The following DNAJB6 variants were observed in gnomAD, a reference collection of about 807,000 sequenced individuals.
DNAJB6 encodes DnaJ heat shock protein family (Hsp40) member B6.
A neutral mutation model predicts 42.7 loss-of-function variants in DNAJB6; 16 were observed. The observed-to-expected ratio is 0.37, with a 90% confidence interval of 0.25 to 0.57. The LOEUF (loss-of-function observed/expected upper bound fraction) is 0.57, where lower values mean the gene tolerates loss of function less well. Ranked by LOEUF, DNAJB6 falls within the 20% of genes least tolerant of loss-of-function variation. DNAJB6 has a pLI of 0.74. For synonymous variants in DNAJB6, 170 were observed against 163.5 expected (o/e 1.04, Z -0.30); for missense variants, 347 against 416.8 (o/e 0.83, Z 1.46).
rs573170428 is a variant in DNAJB6 at position 157,391,271 on chromosome 7, A to G, written c.691+5660A>G. Reference sequence around the variant, plus strand: ...ACGTTTCGTACACACATTTCTGCCAAATTGAGAACTTTGCTGCTCGTCAGC... The same window carrying G: ...ACGTTTCGTACACACATTTCTGCCAGATTGAGAACTTTGCTGCTCGTCAGC... On this transcript the variant is annotated intron_variant, in intron 8 of 9. Coordinates refer to ENST00000262177, the MANE Select transcript of DNAJB6 (RefSeq NM_058246.4). 2.6e-5 allele frequency among the ~76,000 whole-genome samples: 4 copies of G among 152,212 alleles called. No homozygotes were observed. In the South Asian group the frequency reaches 6.2e-4, roughly 24 times the overall value.
At chr7:157,383,932 A>G (rs1220717800) in intron 6 of DNAJB6, among the ~76,000 whole-genome samples, 1 of 152,252 alleles carries the variant, frequency 6.6e-6, no homozygotes, top group Admixed American at 6.5e-5. Context: ...ACTAAAATTA[A>G]TGTCACTAGT....
At chr7:157,401,846 C>T (rs1795531920) in intron 8 of DNAJB6, among the ~76,000 whole-genome samples, 1 of 152,226 alleles carries the variant, frequency 6.6e-6, no homozygotes, top group African/African-American at 2.4e-5. Flanking sequence ...TCCACGCGCC[C>T]TTCCCAGACC....
At chr7:157,366,479 C>T in intron 3 of DNAJB6, 23 bp from the exon 4 acceptor site, 1 of 1,612,582 alleles carries the variant, frequency 6.2e-7, no homozygotes, top group Non-Finnish European at 8.5e-7. Context: ...CTTGGCCTTA[C>T]CGACTTTTCT....
At chr7:157,340,881 G>A (rs902135180) in intron 1 of DNAJB6, among the ~76,000 whole-genome samples, 19 of 152,100 alleles carry the variant, frequency 1.2e-4, no homozygotes, top group African/African-American at 4.3e-4. Flanking sequence ...TGGTCAGGCT[G>A]GTCTCGAACA....
At chr7:157,402,476 G>A (rs574508789) in intron 8 of DNAJB6, among the ~76,000 whole-genome samples, 13 of 152,214 alleles carry the variant, frequency 8.5e-5, no homozygotes, top group Non-Finnish European at 1.6e-4. Context: ...GTTGCCTGTG[G>A]TGGCCACAGG....
At chr7:157,381,200 T>C (rs1800746868) in intron 5 of DNAJB6, 1 of 152,120 alleles carries the variant, frequency 6.6e-6, no homozygotes, top group Admixed American at 6.5e-5. Context: ...GCAGTATTTA[T>C]TGTTAACATT....
intron 1 of DNAJB6, among the ~76,000 whole-genome samples, chr7:157,355,790 A>G (rs542874438): frequency 4.6e-5 from 7 of 152,324 alleles, no homozygotes; most frequent in Non-Finnish European, 8.8e-5. Context: ...GAAACTAGCC[A>G]TTTGATGGAG....
intron 1 of DNAJB6, among the ~76,000 whole-genome samples, chr7:157,347,458 C>T (rs1468136368): frequency 6.6e-6 from 1 of 152,232 alleles, no homozygotes; most frequent in Admixed American, 6.5e-5. Flanking sequence ...CCTCCTGCCT[C>T]AGCCTTCTGA....
intron 8 of DNAJB6, among the ~76,000 whole-genome samples, chr7:157,401,982 A>G (rs1476288171): frequency 6.6e-6 from 1 of 152,136 alleles, no homozygotes; most frequent in African/African-American, 2.4e-5. Context: ...ATCTTAGCAG[A>G]AGGCCTTGAG....
chr7:157,390,804 A>AGCAT (rs1004975644), intron 8 of DNAJB6, among the ~76,000 whole-genome samples: 1 of 152,066 alleles, frequency 6.6e-6, no homozygotes, highest in Non-Finnish European at 1.5e-5. Context: ...TGAGGCCTGG[A>AGCAT]GCATGCATTC....
intron 8 of DNAJB6, among the ~76,000 whole-genome samples, chr7:157,398,342 T>C (rs1801694219): frequency 6.6e-6 from 1 of 152,158 alleles, no homozygotes; most frequent in Admixed American, 6.5e-5. Flanking sequence ...TATTCCTAAT[T>C]TGTGTAAGTA....
intron 5 of DNAJB6, chr7:157,378,802 G>A (rs1366730153): frequency 6.6e-6 from 1 of 152,138 alleles, no homozygotes; most frequent in African/African-American, 2.4e-5. Flanking sequence ...TTTTCAAAAC[G>A]ACAGAAACCA....
chr7:157,351,075 C>T (rs1375268277), intron 1 of DNAJB6, among the ~76,000 whole-genome samples: 1 of 151,968 alleles, frequency 6.6e-6, no homozygotes, highest in South Asian at 2.1e-4. Flanking sequence ...GCTGGGATTA[C>T]AGGAATGTGC....
At chr7:157,343,000 T>G (rs60592272) in intron 1 of DNAJB6, among the ~76,000 whole-genome samples, 13,843 of 151,788 alleles carry the variant, frequency 0.091, 969 homozygotes, top group African/African-American at 0.2. Context: ...GCTTTTTTTT[T>G]TTGTTGTTTG....
At chr7:157,367,290 T>TG (rs1726978036) in intron 4 of DNAJB6, 83 bp from the exon 5 acceptor site, 2 of 921,908 alleles carry the variant, frequency 2.2e-6, no homozygotes, top group African/African-American at 3.3e-5. Context: ...GTTCATGATT[T>TG]GTATAATGTT....
chr7:157,340,756 A>AACCTTTGC lies in DNAJB6; in HGVS notation c.-27+3612_-27+3613insACCTTTGC, dbSNP rs1372833792. 8.6e-5 allele frequency among the ~76,000 whole-genome samples: 13 copies of AACCTTTGC among 151,656 alleles called. No homozygotes were observed. The East Asian group carries it at 2.0e-3, about 23-fold the overall frequency. On this transcript the variant is annotated intron_variant, in intron 1 of 9. Coordinates refer to ENST00000262177, the MANE Select transcript of DNAJB6 (RefSeq NM_058246.4). ...CAGTGGCGCGGTCTTGGCTCACTGCACTCCTGGGTTCAAGCCATTCTCCTG... is the reference window on the plus strand; with the variant it reads ...CAGTGGCGCGGTCTTGGCTCACTGCAACCTTTGCCTCCTGGGTTCAAGCCATTCTCCTG...
At chr7:157,376,261 AT>A (rs372991644) in intron 5 of DNAJB6, among the ~76,000 whole-genome samples, 1 of 152,078 alleles carries the variant, frequency 6.6e-6, no homozygotes, top group African/African-American at 2.4e-5. Context: ...CACACTGTTC[AT>A]TGTATATATA....
chr7:157,389,354 C>T (rs914076580), intron 8 of DNAJB6, among the ~76,000 whole-genome samples: 7 of 152,166 alleles, frequency 4.6e-5, no homozygotes, highest in Non-Finnish European at 7.3e-5. Flanking sequence ...TATTGATTGG[C>T]AGCAGTGTTG....
In DNAJB6 at chr7:157,358,519, A is replaced by G. The variant is rs1338824129; in HGVS notation, c.-26-28A>G. On this transcript the variant is annotated intron_variant, in intron 1 of 9. Transcript: ENST00000262177. ...TGATTTGCCCATCCCCAGCAGCCTC[A>G]TCACTGACCACCTGTTTTTACTTGC... 10 of 1,500,654 alleles carry G rather than the reference A, an allele frequency of 6.7e-6. No individual in the cohort carries two copies. In the African/African-American group the frequency reaches 9.6e-5, roughly 14 times the overall value. The allele number at this position is 1,500,654 out of a possible 1,614,324, so 93.0% of individuals were successfully genotyped here.
Sources: gnomAD v4.1 joint callset for allele counts (sites outside exome capture counted in the v4.1 genomes callset) on GRCh38, gnomAD v4.1.1 for gene constraint, MANE v1.5 for transcripts, NCBI Gene and HGNC (gene_info 2026-07-23, HGNC 2026-07-21) for gene names.